The following ZMAT4 variants were observed in gnomAD, a reference collection of about 807,000 sequenced individuals.
ZMAT4 encodes the protein zinc finger matrin-type protein 4.
In ZMAT4, 17 loss-of-function variants were observed where a neutral mutation model predicts 28.7. That is an observed-to-expected ratio of 0.59 (90% CI 0.41 to 0.89). The LOEUF is 0.89. ZMAT4 is among the 40% of genes least tolerant of loss of function. The pLI, the probability that ZMAT4 is intolerant of heterozygous loss-of-function variation, is 0.00. For missense variants in ZMAT4, 240 were observed against 283.8 expected, an observed-to-expected ratio of 0.85 and a Z score of 1.11; for synonymous variants, 117 against 109.2, an observed-to-expected ratio of 1.07 and a Z score of -0.44.
At chr8:40,645,956 C>T (rs1210116057) in intron 5 of ZMAT4, among the ~76,000 whole-genome samples, 1 of 151,916 alleles carries the variant, frequency 6.6e-6, no homozygotes, top group Admixed American at 6.6e-5. Flanking sequence ...ATCATAATCT[C>T]CTTATTGTGA....
chr8:40,868,426 A>G (rs1338595979), intron 1 of ZMAT4, among the ~76,000 whole-genome samples: 2 of 152,092 alleles, frequency 1.3e-5, no homozygotes, highest in Non-Finnish European at 2.9e-5. Context: ...GAGGAAGTAA[A>G]CCTGGCACCC....
At chr8:40,812,938 A>T (rs565530988) in intron 2 of ZMAT4, among the ~76,000 whole-genome samples, 7 of 109,804 alleles carry the variant, frequency 6.4e-5, no homozygotes, top group African/African-American at 2.6e-4. Context: ...CATCTCAAAA[A>T]TTAAATTAAA....
intron 5 of ZMAT4, among the ~76,000 whole-genome samples, chr8:40,638,558 G>C (rs1271095568): frequency 6.6e-6 from 1 of 152,210 alleles, no homozygotes; most frequent in Non-Finnish European, 1.5e-5. Context: ...AAGGAACAGT[G>C]TTCAGAGAAT....
chr8:40,727,995 A>T (rs1162881706), intron 3 of ZMAT4, among the ~76,000 whole-genome samples: 1 of 152,212 alleles, frequency 6.6e-6, no homozygotes, highest in East Asian at 1.9e-4. Flanking sequence ...ATAGGTAGTT[A>T]TGGGATTAGT....
At chr8:40,541,452 C>T (rs901844782) in intron 6 of ZMAT4, among the ~76,000 whole-genome samples, 29 of 152,100 alleles carry the variant, frequency 1.9e-4, no homozygotes, top group Non-Finnish European at 3.7e-4. Context: ...CACTTAGGTA[C>T]CCAGTAGCCA....
chr8:40,827,486 A>C (rs1291272981), intron 1 of ZMAT4, among the ~76,000 whole-genome samples: 1 of 152,220 alleles, frequency 6.6e-6, no homozygotes, highest in African/African-American at 2.4e-5. Flanking sequence ...GACCACATTC[A>C]TAAAGTATCT....
intron 6 of ZMAT4, among the ~76,000 whole-genome samples, chr8:40,565,106 C>G (rs1053068425): frequency 5.3e-5 from 8 of 152,248 alleles, no homozygotes; most frequent in African/African-American, 1.9e-4. Flanking sequence ...ATTGATGTCT[C>G]TAATCATCAT....
chr8:40,535,597 A>T (rs184759931), intron 6 of ZMAT4, among the ~76,000 whole-genome samples: 2 of 151,820 alleles, frequency 1.3e-5, no homozygotes, highest in East Asian at 3.9e-4. Context: ...TGAACCCAGG[A>T]GGCAGAAGTT....
chr8:40,609,319 T>G (rs998809757), intron 5 of ZMAT4, among the ~76,000 whole-genome samples: 10 of 152,246 alleles, frequency 6.6e-5, no homozygotes, highest in African/African-American at 2.4e-4. Flanking sequence ...TCTTTGCAGA[T>G]GAGTGAAAAT....
rs1168214969 is a variant in ZMAT4 at position 40,787,641 on chromosome 8, A to G, written c.103-19911T>C. On this transcript the variant is annotated intron_variant, in intron 2 of 6. Coordinates refer to ENST00000297737, the MANE Select transcript of ZMAT4 (RefSeq NM_024645.3). ...ACTTTTGTGCTTTGGAGCCATTATT[A>G]AGTCAAGTAAGGGTGACTTGGACAC... 3.3e-5 allele frequency among the ~76,000 whole-genome samples: 5 copies of G among 152,300 alleles called. No individual in the cohort carries two copies. In the East Asian group the frequency reaches 7.7e-4, roughly 24 times the overall value.
At chr8:40,576,291 A>G (rs951701821) in intron 6 of ZMAT4, among the ~76,000 whole-genome samples, 1 of 152,150 alleles carries the variant, frequency 6.6e-6, no homozygotes, top group African/African-American at 2.4e-5. Context: ...ACCGAGATAC[A>G]TAAACAACCA....
At chr8:40,750,609 T>C (rs908483294) in intron 3 of ZMAT4, among the ~76,000 whole-genome samples, 1 of 152,262 alleles carries the variant, frequency 6.6e-6, no homozygotes, top group Admixed American at 6.5e-5. Context: ...TTATGTTTTG[T>C]GGGACTCTAG....
At chr8:40,620,807 T>C (rs1454995767) in intron 5 of ZMAT4, among the ~76,000 whole-genome samples, 2 of 152,206 alleles carry the variant, frequency 1.3e-5, no homozygotes, top group African/African-American at 2.4e-5. Flanking sequence ...AAAATGTTGA[T>C]GAAGATCTGT....
intron 1 of ZMAT4, among the ~76,000 whole-genome samples, chr8:40,879,220 A>G (rs1818140399): frequency 6.6e-6 from 1 of 152,150 alleles, no homozygotes; most frequent in African/African-American, 2.4e-5. Context: ...CTAGGAGTTC[A>G]AGACCATCCT....
chr8:40,702,080 C>T (rs1276650223), intron 3 of ZMAT4, among the ~76,000 whole-genome samples: 5 of 152,118 alleles, frequency 3.3e-5, no homozygotes, highest in South Asian at 2.1e-4. Context: ...TTTCGGTCAC[C>T]GTGTGATGCC....
intron 1 of ZMAT4, among the ~76,000 whole-genome samples, chr8:40,828,740 T>C (rs965701664): frequency 6.6e-6 from 1 of 152,102 alleles, no homozygotes; most frequent in Non-Finnish European, 1.5e-5. Flanking sequence ...AGTGGACAAG[T>C]GTCAGCCTGT....
At chr8:40,869,752 A>G (rs1390211048) in intron 1 of ZMAT4, among the ~76,000 whole-genome samples, 2 of 152,170 alleles carry the variant, frequency 1.3e-5, no homozygotes, top group African/African-American at 2.4e-5. Flanking sequence ...GCTATTCCTG[A>G]CGTCTTATTC....
At chr8:40,589,424 G>T (rs1047072089) in intron 5 of ZMAT4, among the ~76,000 whole-genome samples, 3 of 152,132 alleles carry the variant, frequency 2.0e-5, no homozygotes, top group African/African-American at 4.8e-5. Context: ...CATCTGGTCT[G>T]GTATTCTCAT....
At chr8:40,801,351 A>AAAAATATATATATATATATATATATAT (rs370796453) in intron 2 of ZMAT4, among the ~76,000 whole-genome samples, 1 of 97,258 alleles carries the variant, frequency 1.0e-5, no homozygotes, top group African/African-American at 3.7e-5. Flanking sequence ...TAAAAAAAAA[A>AAAAATATATATATATATATATATATAT]ATATATATAT....
Sources: gnomAD v4.1 joint callset for allele counts (sites outside exome capture counted in the v4.1 genomes callset) on GRCh38, gnomAD v4.1.1 for gene constraint, MANE v1.5 for transcripts, NCBI Gene and HGNC (gene_info 2026-07-23, HGNC 2026-07-21) for gene names.